R3HCC1L: variants seen among roughly 807,000 people sequenced by gnomAD.
The protein encoded by R3HCC1L is R3H domain and coiled-coil containing 1 like, also known as coiled-coil domain-containing protein R3HCC1L.
A neutral mutation model predicts 59.9 loss-of-function variants in R3HCC1L; 51 were observed. The ratio of observed to expected loss-of-function variants is 0.85; its 90% CI spans 0.68 to 1.07. The LOEUF (loss-of-function observed/expected upper bound fraction) is 1.07, where lower values mean the gene tolerates loss of function less well. R3HCC1L is among the 50% of genes least tolerant of loss of function. The pLI is 0.00. For synonymous variants in R3HCC1L, 322 were observed against 315.2 expected (o/e 1.02, Z -0.23); for missense variants, 965 against 933.0 (o/e 1.03, Z -0.45).
chr10:98,214,146 A>G (rs1020106028), intron 5 of R3HCC1L, among the ~76,000 whole-genome samples: 3 of 152,230 alleles, frequency 2.0e-5, no homozygotes, highest in African/African-American at 7.2e-5. Context: ...CCTCAGAATC[A>G]GTATAGAAGC....
intron 6 of R3HCC1L, among the ~76,000 whole-genome samples, chr10:98,232,220 A>C (rs1298981816): frequency 6.6e-6 from 1 of 152,012 alleles, no homozygotes; most frequent in Admixed American, 6.6e-5. Context: ...AAACTCCTGC[A>C]CTTAAGCCAT....
chr10:98,212,420 A>G (rs1365041637), intron 5 of R3HCC1L, among the ~76,000 whole-genome samples: 1 of 152,188 alleles, frequency 6.6e-6, no homozygotes, highest in East Asian at 1.9e-4. Context: ...CTGTAGAGCA[A>G]GGTGTGACAG....
chr10:98,221,445 G>A (rs1854942394), intron 5 of R3HCC1L, among the ~76,000 whole-genome samples: 1 of 151,058 alleles, frequency 6.6e-6, no homozygotes, highest in Non-Finnish European at 1.5e-5. Context: ...TAGACATGAA[G>A]TCCTTGCCCA....
At chr10:98,186,952 A>C (rs2134720286) in intron 4 of R3HCC1L, among the ~76,000 whole-genome samples, 1 of 152,228 alleles carries the variant, frequency 6.6e-6, no homozygotes, top group South Asian at 2.1e-4. Flanking sequence ...CTTAGTAAGT[A>C]CAGATGTACA....
intron 5 of R3HCC1L, among the ~76,000 whole-genome samples, chr10:98,213,673 A>T (rs1030071874): frequency 3.3e-5 from 5 of 152,142 alleles, no homozygotes; most frequent in South Asian, 2.1e-4. Context: ...ATTCCATTTT[A>T]AAAAAATCTA....
At chr10:98,227,576 G>GTTTT (rs11289626) in intron 5 of R3HCC1L, among the ~76,000 whole-genome samples, 2 of 140,688 alleles carry the variant, frequency 1.4e-5, no homozygotes, top group African/African-American at 5.2e-5. Context: ...AGCAGTGTGT[G>GTTTT]TTTTTTTTTT....
At chr10:98,203,019 G>A (rs767646173) in intron 4 of R3HCC1L, among the ~76,000 whole-genome samples, 3 of 152,124 alleles carry the variant, frequency 2.0e-5, no homozygotes, top group Non-Finnish European at 2.9e-5. Flanking sequence ...TATGGAAAGG[G>A]AAATATTCTA....
chr10:98,141,433 T>C (rs1845129629), intron 1 of R3HCC1L, among the ~76,000 whole-genome samples: 1 of 152,236 alleles, frequency 6.6e-6, no homozygotes, highest in African/African-American at 2.4e-5. Flanking sequence ...ATGTGTGTAA[T>C]GTAAAGCTAC....
In R3HCC1L at chr10:98,178,038, G is replaced by A. The variant is rs568550048; in HGVS notation, c.-15+14641G>A. 1.8e-4 allele frequency among the ~76,000 whole-genome samples: 28 copies of A among 152,164 alleles called. 1 individual carries two copies. The South Asian group carries it at 3.1e-3, about 17-fold the overall frequency. On this transcript the variant is annotated intron_variant, in intron 4 of 9. Transcript: ENST00000298999. Reference sequence around the variant, plus strand: ...CACTCTGATGGTAGTTTCTTTTGCCGTGCAGAAGCTCTTTAGTTTAATTAG... The same window carrying A: ...CACTCTGATGGTAGTTTCTTTTGCCATGCAGAAGCTCTTTAGTTTAATTAG...
Position 98,135,129 on chromosome 10 carries a change from C to T in R3HCC1L, c.-268+423C>T, listed in dbSNP as rs369007083. On this transcript the variant is annotated intron_variant, in intron 1 of 9. Coordinates refer to ENST00000298999, the MANE Select transcript of R3HCC1L (RefSeq NM_001351015.2). ...CGCTTCGAGCCTCGCCTTTGAGCCT[C>T]CTCCGCTGCCCGGGAGCCCCGGGCT... 3.3e-5 allele frequency among the ~76,000 whole-genome samples: 5 copies of T among 152,352 alleles called. No homozygotes were observed. In the South Asian group the frequency reaches 1.0e-3, roughly 32 times the overall value.
At chr10:98,200,780 G>T (rs1339133249) in intron 4 of R3HCC1L, among the ~76,000 whole-genome samples, 4 of 152,132 alleles carry the variant, frequency 2.6e-5, no homozygotes, top group Non-Finnish European at 5.9e-5. Flanking sequence ...GTCAAAGGCA[G>T]ATTTTCTAGA....
At chr10:98,206,240 T>C (rs1312806307) in intron 4 of R3HCC1L, among the ~76,000 whole-genome samples, 1 of 43,108 alleles carries the variant, frequency 2.3e-5, no homozygotes, top group Admixed American at 3.4e-4. Context: ...GGGGCTTTTA[T>C]TGACCTTGTG....
rs201665355 is a variant in R3HCC1L at position 98,175,316 on chromosome 10, TA to T, written c.-15+11925del. Among the ~76,000 whole-genome samples, 256 of 152,278 alleles carry T rather than the reference TA, an allele frequency of 1.7e-3. 1 individual carries two copies. The highest frequency in any genetic ancestry group is 5.9e-3 in the African/African-American group (246 of 41,566). On this transcript the variant is annotated intron_variant, in intron 4 of 9. Transcript: ENST00000298999. Reference sequence around the variant, plus strand: ...TTTAAAGAGATGTCATTTTTTTCATTAAAAAACTTAAGATTATATATGGCAA... The same window carrying T: ...TTTAAAGAGATGTCATTTTTTTCATTAAAAACTTAAGATTATATATGGCAA...
At position 98,208,188 on chromosome 10, in the gene R3HCC1L, G is replaced by A. The variant is rs760402020; in HGVS notation, c.74G>A (p.Arg25His). The change falls in exon 5 of 10, where the codon CGT (arginine) becomes CAT (histidine). Residue 25 changes from arginine to histidine, a missense_variant. Physicochemically the swap from Arg to His is conservative, Grantham distance 29 (BLOSUM62 0). Coordinates refer to ENST00000298999, the MANE Select transcript of R3HCC1L (RefSeq NM_001351015.2). ...PDMALYVPKA[R>H]RGAVLLKTGD... ...ATGGCACTTTATGTACCTAAAGCTC[G>A]TAGGGGTGCAGTACTCCTTAAGACA... The A allele has an allele frequency of 2.8e-5, 45 of 1,613,766 alleles. No homozygotes were observed. The East Asian group carries it at 4.2e-4, about 15-fold the overall frequency.
chr10:98,203,597 G>A (rs184012686), intron 4 of R3HCC1L, among the ~76,000 whole-genome samples: 1 of 152,326 alleles, frequency 6.6e-6, no homozygotes, highest in East Asian at 1.9e-4. Flanking sequence ...GAATTACCCA[G>A]TGAGTGCCTT....
At chr10:98,144,867 A>T (rs540573135) in intron 1 of R3HCC1L, among the ~76,000 whole-genome samples, 49 of 152,334 alleles carry the variant, frequency 3.2e-4, no homozygotes, top group African/African-American at 1.1e-3. Flanking sequence ...GAAATGAAAG[A>T]GTAACAAATT....
At chr10:98,195,834 A>G (rs983336865) in intron 4 of R3HCC1L, among the ~76,000 whole-genome samples, 2 of 152,204 alleles carry the variant, frequency 1.3e-5, no homozygotes, top group Admixed American at 6.5e-5. Context: ...ATTAGCTGCT[A>G]TATCCATAAA....
chr10:98,165,878 G>A (rs1176176099), intron 4 of R3HCC1L, among the ~76,000 whole-genome samples: 1 of 152,122 alleles, frequency 6.6e-6, no homozygotes, highest in Non-Finnish European at 1.5e-5. Flanking sequence ...TCCCCTATAG[G>A]AAGAAGCCAG....
intron 4 of R3HCC1L, among the ~76,000 whole-genome samples, chr10:98,196,346 C>T (rs1851429470): frequency 6.6e-6 from 1 of 152,146 alleles, no homozygotes; most frequent in Non-Finnish European, 1.5e-5. Context: ...TCCATGAAGC[C>T]ATTCCAGTGT....
Sources: allele counts gnomAD v4.1 joint callset (sites outside exome capture counted in the v4.1 genomes callset), GRCh38; gene constraint gnomAD v4.1.1; transcripts MANE v1.5; gene names NCBI Gene and HGNC (gene_info 2026-07-23, HGNC 2026-07-21).